The following IL1RAPL1 variants were observed in gnomAD, a reference collection of about 807,000 sequenced individuals.
IL1RAPL1 encodes the protein interleukin-1 receptor accessory protein-like 1.
IL1RAPL1 carries 3 observed loss-of-function variants against 48.4 expected under a neutral mutation model. The observed-to-expected ratio is 0.06, with a 90% CI of 0.03 to 0.16. IL1RAPL1 has a LOEUF of 0.16. Ranked by LOEUF, IL1RAPL1 falls within the 10% of genes least tolerant of loss-of-function variation. The pLI is 1.00. For synonymous variants in IL1RAPL1, 185 were observed against 187.7 expected, an observed-to-expected ratio of 0.99 and a Z score of 0.12; for missense variants, 349 against 530.6, an observed-to-expected ratio of 0.66 and a Z score of 3.36.
intron 5 of IL1RAPL1, among the ~76,000 whole-genome samples, chrX:29,566,160 C>T (rs1433271857): frequency 1.8e-5 from 2 of 111,620 alleles, no homozygotes; most frequent in Non-Finnish European, 3.8e-5. Flanking sequence ...AGGATGGTCT[C>T]GATCTCCTGA....
chrX:29,716,418 C>G (rs1191016454), intron 6 of IL1RAPL1, among the ~76,000 whole-genome samples: 3 of 111,392 alleles, frequency 2.7e-5, no homozygotes, highest in Non-Finnish European at 5.7e-5. Context: ...CCTATTCCTC[C>G]CAACAGGAAT....
chrX:29,432,361 A>G (rs1934431847), intron 5 of IL1RAPL1, among the ~76,000 whole-genome samples: 1 of 111,442 alleles, frequency 9.0e-6, no homozygotes, highest in African/African-American at 3.3e-5. Context: ...AAATGTAATC[A>G]TCAAGCAAGA....
intron 2 of IL1RAPL1, among the ~76,000 whole-genome samples, chrX:29,231,942 A>G (rs761487750): frequency 8.9e-6 from 1 of 112,030 alleles, no homozygotes; most frequent in Non-Finnish European, 1.9e-5. Context: ...AAGATTGGGC[A>G]TAGTATACTT....
intron 5 of IL1RAPL1, among the ~76,000 whole-genome samples, chrX:29,405,360 C>CTTTCTTTTTTT (rs1377087452): frequency 3.0e-5 from 3 of 99,468 alleles, no homozygotes; most frequent in Admixed American, 1.0e-4. Flanking sequence ...TCTCTGTGTT[C>CTTTCTTTTTTT]TTTATTTATT....
At chrX:29,573,691 C>T (rs1922670672) in intron 5 of IL1RAPL1, among the ~76,000 whole-genome samples, 1 of 112,137 alleles carries the variant, frequency 8.9e-6, no homozygotes, top group South Asian at 3.7e-4. Context: ...CAGTGAGAGC[C>T]CTTTAGGTAG....
intron 2 of IL1RAPL1, among the ~76,000 whole-genome samples, chrX:28,877,529 T>C (rs1363629965): frequency 8.9e-6 from 1 of 112,529 alleles, no homozygotes; most frequent in Non-Finnish European, 1.9e-5. Context: ...CCCATTATCA[T>C]AGTTATTCTA....
At chrX:29,051,457 A>G (rs772686245) in intron 2 of IL1RAPL1, among the ~76,000 whole-genome samples, 2 of 112,067 alleles carry the variant, frequency 1.8e-5, no homozygotes, top group Non-Finnish European at 3.8e-5. Flanking sequence ...AGTGTTTGTC[A>G]TATGTCGGAA....
intron 2 of IL1RAPL1, among the ~76,000 whole-genome samples, chrX:28,966,081 A>G (rs1924913712): frequency 8.9e-6 from 1 of 111,751 alleles, no homozygotes; most frequent in African/African-American, 3.2e-5. Context: ...ATATATACAC[A>G]TAGGTCCCCA....
At chrX:28,707,643 G>A (rs1935391163) in intron 1 of IL1RAPL1, among the ~76,000 whole-genome samples, 1 of 112,128 alleles carries the variant, frequency 8.9e-6, no homozygotes, top group African/African-American at 3.2e-5. Context: ...TGGTGGCAAT[G>A]CTGCCAAGGA....
intron 5 of IL1RAPL1, among the ~76,000 whole-genome samples, chrX:29,554,961 A>C (rs1238432753): frequency 8.9e-6 from 1 of 112,397 alleles, no homozygotes; most frequent in African/African-American, 3.2e-5. Context: ...GCTTCCTAAA[A>C]TACAAATTGA....
intron 6 of IL1RAPL1, among the ~76,000 whole-genome samples, chrX:29,679,551 TAAAC>T (rs1278921617): frequency 8.9e-6 from 1 of 112,005 alleles, no homozygotes; most frequent in African/African-American, 3.2e-5. Context: ...TTAAAAGACT[TAAAC>T]AAGATATTGT....
At chrX:29,552,083 A>G (rs1199271137) in intron 5 of IL1RAPL1, among the ~76,000 whole-genome samples, 1 of 111,345 alleles carries the variant, frequency 9.0e-6, no homozygotes, top group Non-Finnish European at 1.9e-5. Flanking sequence ...GCTTTGTTCC[A>G]GGCCATTGTA....
rs544647970 is a variant in IL1RAPL1 at position 28,686,701 on chromosome X, T to G, written c.-25+98654T>G. 1.7e-4 allele frequency among the ~76,000 whole-genome samples: 19 copies of G among 112,378 alleles called. No homozygotes were observed. The South Asian group carries it at 6.9e-3, about 41-fold the overall frequency. Reference sequence around the variant, plus strand: ...TTCTTGGTTTTCAAATGTATTTCTATCACTTAATTATCTAATGAAAATGGT... The same window carrying G: ...TTCTTGGTTTTCAAATGTATTTCTAGCACTTAATTATCTAATGAAAATGGT... On this transcript the variant is annotated intron_variant, in intron 1 of 10. Coordinates refer to ENST00000378993, the MANE Select transcript of IL1RAPL1 (RefSeq NM_014271.4).
chrX:29,329,406 A>T (rs183148364), intron 3 of IL1RAPL1, among the ~76,000 whole-genome samples: 1 of 112,115 alleles, frequency 8.9e-6, no homozygotes, highest in Non-Finnish European at 1.9e-5. Flanking sequence ...ACAAACGTTC[A>T]TAGCATTATT....
intron 5 of IL1RAPL1, among the ~76,000 whole-genome samples, chrX:29,430,585 A>G (rs1934409333): frequency 9.4e-6 from 1 of 106,937 alleles, no homozygotes; most frequent in Non-Finnish European, 1.9e-5. Context: ...ATATGTGTAT[A>G]TATATATATG....
At chrX:28,813,982 CTGT>C (rs1936825052) in intron 2 of IL1RAPL1, among the ~76,000 whole-genome samples, 1 of 110,792 alleles carries the variant, frequency 9.0e-6, no homozygotes, top group African/African-American at 3.3e-5. Flanking sequence ...CCCACGTATT[CTGT>C]CCTATGAAGG....
At chrX:29,635,222 G>T (rs1924928499) in intron 5 of IL1RAPL1, among the ~76,000 whole-genome samples, 1 of 111,528 alleles carries the variant, frequency 9.0e-6, no homozygotes, top group Non-Finnish European at 1.9e-5. Context: ...TGTTTAAAGG[G>T]TTCAACAGGT....
chrX:28,725,151 C>T (rs1225196955), intron 1 of IL1RAPL1, among the ~76,000 whole-genome samples: 4 of 109,307 alleles, frequency 3.7e-5, no homozygotes, highest in Non-Finnish European at 5.7e-5. Context: ...GAGGTTTCAC[C>T]GTGTTAGCAA....
intron 2 of IL1RAPL1, among the ~76,000 whole-genome samples, chrX:28,813,403 A>G (rs1936817647): frequency 9.0e-6 from 1 of 111,388 alleles, no homozygotes; most frequent in African/African-American, 3.3e-5. Flanking sequence ...TAATACATTG[A>G]ATGATTTCTA....
Sources: allele counts gnomAD v4.1 joint callset (sites outside exome capture counted in the v4.1 genomes callset), GRCh38; gene constraint gnomAD v4.1.1; transcripts MANE v1.5; gene names NCBI Gene and HGNC (gene_info 2026-07-23, HGNC 2026-07-21).